Variants in IMMP2L observed in about 807,000 individuals in gnomAD.
The protein encoded by IMMP2L is mitochondrial inner membrane protease subunit 2.
In IMMP2L, 18 loss-of-function variants were observed where a neutral mutation model predicts 19.3. The observed-to-expected ratio is 0.93, with a 90% CI of 0.64 to 1.38. The LOEUF (loss-of-function observed/expected upper bound fraction) is 1.38, where lower values mean the gene tolerates loss of function less well. IMMP2L is among the 40% of genes most tolerant of loss of function. The pLI is 0.00. For synonymous variants in IMMP2L, 76 were observed against 73.0 expected (o/e 1.04, Z -0.21); for missense variants, 233 against 218.2 (o/e 1.07, Z -0.43).
At chr7:110,669,108 T>TAGAGAGAG (rs1439111205) in intron 5 of IMMP2L, among the ~76,000 whole-genome samples, 12 of 142,016 alleles carry the variant, frequency 8.4e-5, no homozygotes, top group African/African-American at 2.6e-4. Flanking sequence ...TATATATATA[T>TAGAGAGAG]AGAGAGAGAG....
intron 5 of IMMP2L, among the ~76,000 whole-genome samples, chr7:110,781,533 A>C (rs189511644): frequency 1.1e-3 from 172 of 152,002 alleles, no homozygotes; most frequent in African/African-American, 3.8e-3. Context: ...CTCAATATTG[A>C]GTCAGTATAT....
At position 110,870,980 on chromosome 7, in the gene IMMP2L, C is replaced by T. The variant is rs909191826; in HGVS notation, c.408+15613G>A. On this transcript the variant is annotated intron_variant, in intron 5 of 5. Transcript: ENST00000405709. The surrounding 1 kb of genome is among the most constrained non-coding windows in gnomAD (Gnocchi z 4.2). ...GAAGCATGCAGCCCAGTTAGGAGGC[C>T]CCTGATGACCTGAATCAGTGAGGCA... Among the ~76,000 whole-genome samples the T allele has an allele frequency of 4.6e-5, 7 of 151,848 alleles. No individual in the cohort carries two copies. The highest frequency in any genetic ancestry group is 1.0e-4 in the Non-Finnish European group (7 of 67,984).
At chr7:110,720,842 T>C (rs1240759338) in intron 5 of IMMP2L, among the ~76,000 whole-genome samples, 1 of 152,098 alleles carries the variant, frequency 6.6e-6, no homozygotes, top group African/African-American at 2.4e-5. Flanking sequence ...TTTTCCAGTA[T>C]AGGCAGAATT....
chr7:110,947,995 C>G (rs1056332961), intron 4 of IMMP2L, among the ~76,000 whole-genome samples: 1 of 150,960 alleles, frequency 6.6e-6, no homozygotes, highest in African/African-American at 2.5e-5. Context: ...ATTTACTCTT[C>G]TGAAAGAAAA....
At chr7:111,044,855 G>C (rs1792240854) in intron 3 of IMMP2L, among the ~76,000 whole-genome samples, 1 of 152,120 alleles carries the variant, frequency 6.6e-6, no homozygotes, top group African/African-American at 2.4e-5. Flanking sequence ...ACAGTGGGTA[G>C]TTGACAACTC....
At chr7:111,073,295 G>C (rs1016025682) in intron 3 of IMMP2L, among the ~76,000 whole-genome samples, 5 of 152,012 alleles carry the variant, frequency 3.3e-5, no homozygotes, top group Admixed American at 6.6e-5. Context: ...GGAGGAGAGA[G>C]AGCAAGAATG....
intron 3 of IMMP2L, among the ~76,000 whole-genome samples, chr7:111,006,058 G>A (rs1252066800): frequency 1.3e-5 from 2 of 152,034 alleles, no homozygotes; most frequent in African/African-American, 2.4e-5. Context: ...GTTCTCAAGG[G>A]GCTCATCTGA....
At chr7:111,524,618 A>T (rs550076438) in intron 1 of IMMP2L, among the ~76,000 whole-genome samples, 2 of 152,234 alleles carry the variant, frequency 1.3e-5, no homozygotes, top group East Asian at 3.9e-4. Flanking sequence ...AAATACTGAT[A>T]TTTGGGTGTT....
intron 3 of IMMP2L, among the ~76,000 whole-genome samples, chr7:111,327,382 T>C (rs192208313): frequency 3.9e-4 from 59 of 151,818 alleles, no homozygotes; most frequent in African/African-American, 1.4e-3. Flanking sequence ...CATAGATCAT[T>C]ATATATAAAA....
intron 3 of IMMP2L, among the ~76,000 whole-genome samples, chr7:111,022,501 G>T (rs967205715): frequency 6.6e-6 from 1 of 152,164 alleles, no homozygotes; most frequent in Non-Finnish European, 1.5e-5. Flanking sequence ...GTTAGGAAAG[G>T]AGAAGACTTT....
At chr7:110,915,247 G>A (rs539988201) in intron 4 of IMMP2L, among the ~76,000 whole-genome samples, 6 of 142,062 alleles carry the variant, frequency 4.2e-5, no homozygotes, top group Admixed American at 6.7e-5. Flanking sequence ...GTGCACGCGC[G>A]TGCGTGCACG....
At chr7:111,171,489 A>C (rs1431851169) in intron 3 of IMMP2L, among the ~76,000 whole-genome samples, 3 of 151,636 alleles carry the variant, frequency 2.0e-5, no homozygotes, top group South Asian at 4.1e-4. Context: ...CAACCTGTAT[A>C]ATATAAATCA....
intron 3 of IMMP2L, among the ~76,000 whole-genome samples, chr7:111,066,400 A>T (rs1794502388): frequency 6.6e-6 from 1 of 152,216 alleles, no homozygotes; most frequent in Admixed American, 6.5e-5. Flanking sequence ...ATGAAATTTT[A>T]AAATATGAAA....
chr7:111,242,077 A>AT (rs200223558), intron 3 of IMMP2L, among the ~76,000 whole-genome samples: 1,787 of 152,152 alleles, frequency 0.012, 38 homozygotes, highest in African/African-American at 0.04. Context: ...CATAGAAGTG[A>AT]TTTTTTTAAT....
chr7:111,283,820 A>T (rs1820174430), intron 3 of IMMP2L, among the ~76,000 whole-genome samples: 1 of 150,808 alleles, frequency 6.6e-6, no homozygotes, highest in Admixed American at 6.6e-5. Context: ...AAATACAAAA[A>T]ATTAGCCGGG....
At position 111,435,776 on chromosome 7, in the gene IMMP2L, C is replaced by T. The variant is rs747513150; in HGVS notation, c.239+51462G>A. On this transcript the variant is annotated intron_variant, in intron 3 of 5. Transcript: ENST00000405709. Reference sequence around the variant, plus strand: ...TATAGAAGCAGCCAGCCAATCACAGCTGCCACAGCTTGGGCATCTCACTTT... The same window carrying T: ...TATAGAAGCAGCCAGCCAATCACAGTTGCCACAGCTTGGGCATCTCACTTT... Among the ~76,000 whole-genome samples the T allele has an allele frequency of 2.0e-5, 3 of 151,842 alleles. No homozygotes were observed. In the South Asian group the frequency reaches 6.2e-4, roughly 31 times the overall value.
chr7:111,132,566 C>A (rs1801951294), intron 3 of IMMP2L, among the ~76,000 whole-genome samples: 1 of 152,052 alleles, frequency 6.6e-6, no homozygotes, highest in Admixed American at 6.6e-5. Flanking sequence ...AGTCAGATGT[C>A]ATTGTGAGCT....
At chr7:110,957,725 T>G (rs777354005) in intron 4 of IMMP2L, among the ~76,000 whole-genome samples, 5 of 151,940 alleles carry the variant, frequency 3.3e-5, no homozygotes, top group Admixed American at 6.6e-5. Flanking sequence ...TTCCTTTGGT[T>G]TGAACTCTCC....
rs1212851796 is a variant in IMMP2L, at chr7:110,946,752, G to A, written c.305+16748C>T. 1.1e-3 allele frequency among the ~76,000 whole-genome samples: 134 copies of A among 119,574 alleles called. 1 individual carries two copies. The highest frequency in any genetic ancestry group is 5.4e-3 in the South Asian group (22 of 4,070). 78.4% of individuals were successfully genotyped at this position (119,574 alleles called of 152,430 possible). On this transcript the variant is annotated intron_variant, in intron 4 of 5. Transcript: ENST00000405709. ...TTTTTTTTTTTTGAGACGGAGTCTC[G>A]CTCTGTCACCCAGGCTGGAGTGCAG...
Sources: allele counts gnomAD v4.1 joint callset (sites outside exome capture counted in the v4.1 genomes callset), GRCh38; gene constraint gnomAD v4.1.1; non-coding constraint Gnocchi (gnomAD v3.1); transcripts MANE v1.5; gene names NCBI Gene and HGNC (gene_info 2026-07-23, HGNC 2026-07-21).